LHB: variants seen among roughly 807,000 people sequenced by gnomAD.
LHB encodes the protein luteinizing hormone subunit beta.
A neutral mutation model predicts 10.6 loss-of-function variants in LHB; 11 were observed. The observed-to-expected ratio is 1.04, with a 90% CI of 0.66 to 1.72. The LOEUF is 1.72. Ranked by LOEUF, LHB falls within the 40% of genes most tolerant of loss-of-function variation. The pLI is 0.00. For synonymous variants in LHB, 86 were observed against 83.1 expected (o/e 1.03, Z -0.19); for missense variants, 184 against 197.3 (o/e 0.93, Z 0.41).
Position 49,016,040 on chromosome 19 carries a change from T to C in LHB, c.*28A>G. 1 of 1,613,882 alleles carries C rather than the reference T, an allele frequency of 6.2e-7. No homozygotes were observed. On this transcript the variant is annotated 3_prime_UTR_variant, in exon 3 of 3. Coordinates refer to ENST00000649238, the MANE Select transcript of LHB (RefSeq NM_000894.3). ...GGTGTCAGGGCTCCAGGAGTCGGGA[T>C]GGACTTGGAAGGCTGCGGGGAGGGT...
chr19:49,016,126 G>A lies in LHB; in HGVS notation c.368C>T (p.Pro123Leu). 6.2e-7 allele frequency: 1 copy of A among 1,612,926 alleles called. No homozygotes were observed. The change falls in exon 3 of 3, where the codon CCC (proline) becomes CTC (leucine). Residue 123 changes from proline (P) to leucine (L), a missense_variant. Coordinates refer to ENST00000649238, the MANE Select transcript of LHB (RefSeq NM_000894.3). ...GTCACAGGTCAAGGGGTGGTCTTTG[G>A]GACCCCCACAGTCAGAGGTGCTGCG... ...CRRSTSDCGGPKDHPLTCDHP... is the reference protein window; with the variant it reads ...CRRSTSDCGGLKDHPLTCDHP...
Position 49,016,317 on chromosome 19 carries a change from G to T in LHB, c.184-7C>A. Reference sequence around the variant, plus strand: ...CCGCCTGCAGCACGCGCATCTGGAGGCCGTGTGAGTGGGGGAATGAGCATG... The same window carrying T: ...CCGCCTGCAGCACGCGCATCTGGAGTCCGTGTGAGTGGGGGAATGAGCATG... On this transcript the variant is annotated splice_region_variant and splice_polypyrimidine_tract_variant and intron_variant, in intron 2 of 2. Transcript: ENST00000649238. 2 of 1,610,154 alleles carry T rather than the reference G, an allele frequency of 1.2e-6. No individual in the cohort carries two copies. Among genetic ancestry groups the T allele is most frequent in the African/African-American group, 1.3e-5 (1 of 74,978 alleles).
rs1189226135 is a variant in LHB at position 49,016,003 on chromosome 19, T to C, written c.*65A>G. ...AGTGCGGATTGAGAAGCCTTTATTG[T>C]GGGAGGATCGGGGTGTCAGGGCTCC... On this transcript the variant is annotated 3_prime_UTR_variant, in exon 3 of 3. Transcript: ENST00000649238. 1.2e-6 allele frequency: 2 copies of C among 1,614,106 alleles called. No individual in the cohort carries two copies. Among genetic ancestry groups the C allele is most frequent in the East Asian group, 2.2e-5 (1 of 44,878 alleles).
rs781649328 is a variant in LHB, at chr19:49,016,101, G to T, written c.393C>A (p.Asp131Glu). The T allele has an allele frequency of 6.2e-7, 1 of 1,613,086 alleles. No homozygotes were observed. Among genetic ancestry groups the T allele is most frequent in the Non-Finnish European group, 8.5e-7 (1 of 1,180,030 alleles). ...GGPKDHPLTC[D>E]HPQLSGLLFL The stretch of plus-strand genomic sequence containing the variant: ...AGAGGAGGCCTGAGAGTTGGGGGTG[G>T]TCACAGGTCAAGGGGTGGTCTTTGG... The change falls in exon 3 of 3, where the codon GAC becomes GAA. Residue 131 changes from aspartate to glutamate, a missense_variant. Coordinates refer to ENST00000649238, the MANE Select transcript of LHB (RefSeq NM_000894.3).
chr19:49,017,665 GCCCGGAGCGTC>G, upstream of LHB: 1 of 763,208 alleles, frequency 1.3e-6, no homozygotes, highest in Non-Finnish European at 1.7e-6. Flanking sequence ...AAGCCAGGAT[GCCCGGAGCGTC>G]CCCGGAAGTG....
upstream of LHB, chr19:49,017,860 G>A: frequency 2.5e-6 from 1 of 398,218 alleles, no homozygotes; most frequent in Non-Finnish European, 4.4e-6. Context: ...GACGTAATGA[G>A]TGCGACTCAG....
chr19:49,018,971 C>T (rs1005107375), upstream of LHB: 110 of 1,533,796 alleles, frequency 7.2e-5, no homozygotes, highest in Admixed American at 2.1e-3. Context: ...GGCCAGACAG[C>T]TCGGGGTTCT....
chr19:49,018,918 T>C, upstream of LHB: 2 of 1,534,466 alleles, frequency 1.3e-6, no homozygotes, highest in Non-Finnish European at 1.7e-6. Flanking sequence ...CAGATAGAGC[T>C]GGCGGCGGTC....
At chr19:49,018,980 C>T (rs1225646489), upstream of LHB, 2 of 1,533,592 alleles carry the variant, frequency 1.3e-6, no homozygotes, top group South Asian at 2.4e-5. Context: ...GCTCGGGGTT[C>T]TTCGTCCAGG....
upstream of LHB, chr19:49,018,964 C>G (rs2039597673): frequency 1.3e-6 from 2 of 1,534,076 alleles, no homozygotes; most frequent in African/African-American, 1.4e-5. Flanking sequence ...AAAGGCCGGC[C>G]AGACAGCTCG....
At chr19:49,016,770 C>G in intron 1 of LHB, 56 bp from the exon 2 acceptor site, 1 of 1,604,788 alleles carries the variant, frequency 6.2e-7, no homozygotes, top group South Asian at 1.1e-5. Context: ...GAGTCCTGGC[C>G]TTCCCATCCC....
upstream of LHB, chr19:49,017,494 C>T (rs1235925104): frequency 2.6e-6 from 3 of 1,141,864 alleles, no homozygotes; most frequent in South Asian, 7.3e-5. Context: ...CACAGTCCAA[C>T]CTAACAGGAG....
chr19:49,017,507 G>T (rs2039577256), upstream of LHB: 3 of 1,132,654 alleles, frequency 2.6e-6, no homozygotes, highest in Non-Finnish European at 3.3e-6. Flanking sequence ...AACAGGAGGG[G>T]CGCTGCTTCG....
At position 49,016,133 on chromosome 19, in the gene LHB, C is replaced by T; in HGVS notation, c.361G>A (p.Gly121Arg). 2 of 1,612,918 alleles carry T rather than the reference C, an allele frequency of 1.2e-6. No homozygotes were observed. The highest frequency in any genetic ancestry group is 1.3e-5 in the African/African-American group (1 of 75,008). ...GTCAAGGGGTGGTCTTTGGGACCCC[C>T]ACAGTCAGAGGTGCTGCGGCGGCAG... ...GPCRRSTSDC[G>R]GPKDHPLTCD... Residue 121 changes from glycine to arginine, a missense_variant, in exon 3 of 3, where the codon GGG becomes AGG. By Grantham distance (125) the Gly-to-Arg change is moderately radical (BLOSUM62 -2). Coordinates refer to ENST00000649238, the MANE Select transcript of LHB (RefSeq NM_000894.3).
chr19:49,017,194 G>A (rs1400146253), upstream of LHB: 52 of 1,541,700 alleles, frequency 3.4e-5, no homozygotes, highest in East Asian at 5.0e-4. Flanking sequence ...TAATCCCCCC[G>A]GGGGCGAGAG....
At chr19:49,019,055 C>G, upstream of LHB, 1 of 1,480,974 alleles carries the variant, frequency 6.8e-7, no homozygotes, top group East Asian at 2.5e-5. Context: ...ATACCCCATC[C>G]CAAGCCCTGG....
upstream of LHB, chr19:49,019,099 G>C: frequency 6.9e-7 from 1 of 1,441,578 alleles, no homozygotes; most frequent in Non-Finnish European, 9.1e-7. Context: ...CTTCGGCCTC[G>C]ACAGCCATGA....
upstream of LHB, chr19:49,017,541 G>A: frequency 1.8e-6 from 2 of 1,112,892 alleles, no homozygotes. Flanking sequence ...CCCAGTGAGA[G>A]AGGGTCTCCC....
chr19:49,017,008 C>G (rs1342600567), intron 1 of LHB, 59 bp downstream of exon 1: 32 of 1,612,874 alleles, frequency 2.0e-5, no homozygotes, highest in Non-Finnish European at 2.7e-5. Flanking sequence ...TCTGCCCCTT[C>G]TCATGCCAGT....
Sources: gnomAD v4.1 joint callset for allele counts on GRCh38, gnomAD v4.1.1 for gene constraint, MANE v1.5 for transcripts, NCBI Gene and HGNC (gene_info 2026-07-23, HGNC 2026-07-21) for gene names.